ANO4: variants seen among roughly 807,000 people sequenced by gnomAD.
The protein encoded by ANO4 is anoctamin-4.
A neutral mutation model predicts 141.9 loss-of-function variants in ANO4; 69 were observed. The ratio of observed to expected loss-of-function variants is 0.49; its 90% CI spans 0.40 to 0.59. The LOEUF is 0.59. Among genes scored for constraint, ANO4 ranks in the 20% least tolerant of loss-of-function variants. The probability of loss-of-function intolerance (pLI) is 0.00; values close to 1 mark genes in which losing one functional copy is unlikely to be tolerated. For synonymous variants in ANO4, 350 were observed against 394.3 expected (o/e 0.89, Z 1.33); for missense variants, 894 against 1,162.2 (o/e 0.77, Z 3.36).
At chr12:101,120,702 T>C in intron 26 of ANO4, 77 bp downstream of exon 26, 3 of 1,139,280 alleles carry the variant, frequency 2.6e-6, no homozygotes, top group Non-Finnish European at 3.9e-6. Context: ...AAATAAGTGA[T>C]GGGGATTTTG....
At chr12:101,037,248 C>T (rs1336005022) in intron 10 of ANO4, 98 bp downstream of exon 10, 2 of 1,309,124 alleles carry the variant, frequency 1.5e-6, no homozygotes, top group East Asian at 2.3e-5. Context: ...GACATTTGCT[C>T]AGAATGAATT....
intron 14 of ANO4, chr12:101,068,302 T>C: frequency 7.3e-7 from 1 of 1,374,078 alleles, no homozygotes; most frequent in South Asian, 1.2e-5. Flanking sequence ...CGCCTGCTCC[T>C]ACGAAGGCTG....
At chr12:101,097,547 T>C (rs763453169) in intron 19 of ANO4, 104 bp from the exon 20 acceptor site, 11 of 1,089,510 alleles carry the variant, frequency 1.0e-5, no homozygotes, top group Non-Finnish European at 1.5e-5. Flanking sequence ...CTACTACTTA[T>C]AGTAGCAGTC....
intron 24 of ANO4, among the ~76,000 whole-genome samples, chr12:101,116,335 C>T (rs2050848655): frequency 6.6e-6 from 1 of 152,128 alleles, no homozygotes; most frequent in Non-Finnish European, 1.5e-5. Flanking sequence ...TAATGAGGAA[C>T]TGTGTTTATG....
intron 1 of ANO4, among the ~76,000 whole-genome samples, chr12:100,889,274 A>G (rs1443597263): frequency 5.9e-5 from 9 of 152,046 alleles, no homozygotes; most frequent in Admixed American, 5.9e-4. Context: ...TTAATCCAGT[A>G]TATCATTGTC....
chr12:100,875,321 G>A (rs944162115), intron 1 of ANO4, among the ~76,000 whole-genome samples: 4 of 152,132 alleles, frequency 2.6e-5, no homozygotes, highest in Non-Finnish European at 4.4e-5. Flanking sequence ...ACACCATCCA[G>A]ACAGGAAGCC....
rs560370289 is a variant in ANO4, at chr12:100,898,302, A to G, written c.-140-3344A>G. Among the ~76,000 whole-genome samples the G allele has an allele frequency of 1.4e-4, 21 of 152,346 alleles. No individual in the cohort carries two copies. The South Asian group carries it at 4.3e-3, about 32-fold the overall frequency. ...ACTTCAGAATGTTCTATAAATGTTAACATTTTCAAATGCCCAGAGTATATT... is the reference window on the plus strand; with the variant it reads ...ACTTCAGAATGTTCTATAAATGTTAGCATTTTCAAATGCCCAGAGTATATT... On this transcript the variant is annotated intron_variant, in intron 1 of 27. Transcript: ENST00000392977.
chr12:100,726,878 A>C lies in ANO4; in HGVS notation c.23-6896A>C, dbSNP rs554542731. The stretch of plus-strand genomic sequence containing the variant: ...TTTGGCCAGTAGTGCAACATTAAAA[A>C]AACTTTGAAAAAAATTGGTAATTTA... On this transcript the variant is annotated intron_variant, in intron 1 of 29. Coordinates refer to the ANO4 transcript ENST00000644049. Among the ~76,000 whole-genome samples, 5 of 152,176 alleles carry C rather than the reference A, an allele frequency of 3.3e-5. No homozygotes were observed. The East Asian group carries it at 9.6e-4, about 29-fold the overall frequency.
At chr12:100,787,964 A>G (rs2033925559) in intron 3 of ANO4, among the ~76,000 whole-genome samples, 1 of 152,226 alleles carries the variant, frequency 6.6e-6, no homozygotes, top group Non-Finnish European at 1.5e-5. Flanking sequence ...ATACATTCAT[A>G]TGCCTATTTG....
At chr12:100,998,473 C>A (rs1450091011) in intron 8 of ANO4, among the ~76,000 whole-genome samples, 1 of 152,104 alleles carries the variant, frequency 6.6e-6, no homozygotes, top group Non-Finnish European at 1.5e-5. Context: ...CCAAACTAAT[C>A]TAGTTGTCTT....
Position 100,942,163 on chromosome 12 carries a change from T to A in ANO4, c.298-214T>A, listed in dbSNP as rs377387850. Among the ~76,000 whole-genome samples the A allele has an allele frequency of 3.2e-4, 49 of 152,112 alleles. No homozygotes were observed. The East Asian group carries it at 7.2e-3, about 22-fold the overall frequency. ...GCCCAGCTAATTTTTGTATTTTTAA[T>A]AGAGACAAGGTTTCACCATATTGGC... On this transcript the variant is annotated intron_variant, in intron 4 of 27. Coordinates refer to ENST00000392977, the MANE Select transcript of ANO4 (RefSeq NM_001286615.2).
Position 100,864,504 on chromosome 12 carries a change from C to T in ANO4, c.-140-37142C>T, listed in dbSNP as rs190584943. 2.3e-3 allele frequency among the ~76,000 whole-genome samples: 344 copies of T among 152,242 alleles called. 4 individuals are homozygous for T. The highest frequency in any genetic ancestry group is 7.4e-3 in the African/African-American group (307 of 41,562). ...CAGGTACATAGATATGAAGTTCTCA[C>T]CCCCGCATTGATTGCCACTGTAGCT... On this transcript the variant is annotated intron_variant, in intron 1 of 27. Transcript: ENST00000392977.
At chr12:100,942,356 T>A (rs2042556862) in intron 4 of ANO4, 21 bp from the exon 5 acceptor site, 2 of 1,606,982 alleles carry the variant, frequency 1.2e-6, no homozygotes, top group Non-Finnish European at 8.5e-7. Flanking sequence ...CTTAAACTGG[T>A]CCCTTTCTCT....
At chr12:100,828,386 C>G (rs1382468328) in intron 1 of ANO4, among the ~76,000 whole-genome samples, 1 of 152,034 alleles carries the variant, frequency 6.6e-6, no homozygotes, top group East Asian at 1.9e-4. Flanking sequence ...GGCCCTGGGT[C>G]TCTGCTAGTG....
intron 8 of ANO4, among the ~76,000 whole-genome samples, chr12:100,991,384 T>G (rs1592948818): frequency 6.6e-6 from 1 of 152,038 alleles, no homozygotes; most frequent in Non-Finnish European, 1.5e-5. Context: ...CCAAATATAG[T>G]CCAAAATCCC....
intron 1 of ANO4, among the ~76,000 whole-genome samples, chr12:100,728,457 ATCTGTCCTCCTGT>A: frequency 6.6e-6 from 1 of 152,232 alleles, no homozygotes; most frequent in South Asian, 2.1e-4. Flanking sequence ...TGTGATATTA[ATCTGTCCTCCTGT>A]CTTTGCCTCT....
chr12:100,933,271 C>T lies in ANO4; in HGVS notation c.161-6044C>T, dbSNP rs1436221174. On this transcript the variant is annotated intron_variant, in intron 3 of 27. Coordinates refer to ENST00000392977, the MANE Select transcript of ANO4 (RefSeq NM_001286615.2). ...TCTCCTAATGATATCCCTCCCCGAG[C>T]CCCCCATCCCACAACAGGCCCCGGT... 3.3e-5 allele frequency among the ~76,000 whole-genome samples: 5 copies of T among 152,002 alleles called. 1 individual carries two copies. Among genetic ancestry groups the T allele is most frequent in the Admixed American group, 6.6e-5 (1 of 15,232 alleles).
chr12:101,097,764 G>C, intron 20 of ANO4, 56 bp downstream of exon 20: 1 of 1,607,568 alleles, frequency 6.2e-7, no homozygotes, highest in Non-Finnish European at 8.5e-7. Context: ...AACAGCCTTA[G>C]GGCAACTTTG....
chr12:100,942,386 G>C lies in ANO4; in HGVS notation c.307G>C (p.Glu103Gln). Residue 103 changes from glutamate (E) to glutamine (Q), a missense_variant, in exon 5 of 28, where the codon GAA becomes CAA. Transcript: ENST00000392977. The stretch of plus-strand genomic sequence containing the variant: ...TTCTCTTTGTGTGCAGACAGTGCCA[G>C]AAAGAAACAAATCAAATGGACTTTA... The part of the protein sequence containing the change: ...RLEAGGETVP[E>Q]RNKSNGLYFR... 6.2e-7 allele frequency: 1 copy of C among 1,613,710 alleles called. No individual in the cohort carries two copies. Among genetic ancestry groups the C allele is most frequent in the East Asian group, 2.2e-5 (1 of 44,846 alleles).
Sources: allele counts gnomAD v4.1 joint callset (sites outside exome capture counted in the v4.1 genomes callset), GRCh38; gene constraint gnomAD v4.1.1; transcripts MANE v1.5; gene names NCBI Gene and HGNC (gene_info 2026-07-23, HGNC 2026-07-21).